Variants in TRAK1 observed in about 807,000 individuals in gnomAD.
TRAK1 encodes trafficking kinesin protein 1, also known as trafficking kinesin-binding protein 1.
Under a neutral mutation model 92.1 loss-of-function variants are expected in TRAK1, and 33 were observed. The observed-to-expected ratio is 0.36, with a 90% CI of 0.27 to 0.48. TRAK1 has a LOEUF of 0.48. Ranked by LOEUF, TRAK1 falls within the 20% of genes least tolerant of loss-of-function variation. TRAK1 has a pLI of 0.99. For synonymous variants in TRAK1, 521 were observed against 517.3 expected (o/e 1.01, Z -0.10); for missense variants, 1,123 against 1,257.9 (o/e 0.89, Z 1.62).
intron 2 of TRAK1, among the ~76,000 whole-genome samples, chr3:42,171,242 A>G (rs7633017): frequency 0.16 from 23,853 of 152,100 alleles, 2,124 homozygotes; most frequent in Non-Finnish European, 0.21. Flanking sequence ...TCATTTATTC[A>G]TGCCAGAGAT....
At chr3:42,048,391 T>C (rs927421931) in intron 1 of TRAK1, among the ~76,000 whole-genome samples, 2 of 152,182 alleles carry the variant, frequency 1.3e-5, no homozygotes, top group Non-Finnish European at 2.9e-5. Flanking sequence ...TAATTCCATG[T>C]ATGTGGTTTT....
At chr3:42,210,450 A>G (rs1708894269) in intron 14 of TRAK1, 11 of 1,266,994 alleles carry the variant, frequency 8.7e-6, no homozygotes, top group Non-Finnish European at 1.1e-5. Flanking sequence ...CCCTGAAAAC[A>G]TCAGTGCCCT....
chr3:42,221,908 C>T (rs1399838077), intron 15 of TRAK1: 1 of 152,016 alleles, frequency 6.6e-6, no homozygotes. Context: ...CCCAATACCC[C>T]GCCGTGACGA....
At chr3:42,124,246 G>A (rs189463646) in intron 1 of TRAK1, among the ~76,000 whole-genome samples, 1 of 152,188 alleles carries the variant, frequency 6.6e-6, no homozygotes, top group East Asian at 1.9e-4. Flanking sequence ...CTCCTCTCCT[G>A]TCTAGTTGTG....
chr3:42,166,528 G>A (rs1701892817), intron 2 of TRAK1, among the ~76,000 whole-genome samples: 1 of 152,160 alleles, frequency 6.6e-6, no homozygotes. Context: ...CTTTCTGTCT[G>A]GTTTGTTAAA....
chr3:42,030,980 G>A (rs567919272), intron 1 of TRAK1, among the ~76,000 whole-genome samples: 16 of 151,512 alleles, frequency 1.1e-4, no homozygotes, highest in African/African-American at 3.9e-4. Context: ...AAGAGAAAAC[G>A]GAACAATGTG....
At chr3:42,207,169 TAC>T (rs527286298) in intron 13 of TRAK1, among the ~76,000 whole-genome samples, 10 of 152,184 alleles carry the variant, frequency 6.6e-5, no homozygotes, top group Non-Finnish European at 1.2e-4. Context: ...GACTCCAGTG[TAC>T]AGTCCCAAAC....
At chr3:42,074,919 G>A (rs1387826188) in intron 1 of TRAK1, among the ~76,000 whole-genome samples, 1 of 152,084 alleles carries the variant, frequency 6.6e-6, no homozygotes, top group African/African-American at 2.4e-5. Context: ...TGTGTATTCA[G>A]TGTTTAACTT....
At chr3:42,142,434 G>A (rs186168423) in intron 2 of TRAK1, among the ~76,000 whole-genome samples, 2 of 152,262 alleles carry the variant, frequency 1.3e-5, no homozygotes, top group East Asian at 3.9e-4. Context: ...GCCCCAGTGT[G>A]GGCAGTCAGC....
intron 1 of TRAK1, among the ~76,000 whole-genome samples, chr3:42,110,428 G>C (rs1158779389): frequency 6.6e-6 from 1 of 151,854 alleles, no homozygotes; most frequent in Non-Finnish European, 1.5e-5. Context: ...CCTCTCTGGG[G>C]ATGGAGTCCT....
intron 1 of TRAK1, among the ~76,000 whole-genome samples, chr3:42,111,648 G>A (rs1175491517): frequency 6.6e-6 from 1 of 152,054 alleles, no homozygotes; most frequent in African/African-American, 2.4e-5. Context: ...TCCCACCTAG[G>A]CCTCCCAAAG....
chr3:42,107,595 A>G (rs1178655951), intron 1 of TRAK1, among the ~76,000 whole-genome samples: 1 of 152,120 alleles, frequency 6.6e-6, no homozygotes, highest in Non-Finnish European at 1.5e-5. Flanking sequence ...GTAAAACCCA[A>G]GAGGTTGGAG....
At chr3:42,111,939 GA>G (rs1239429676) in intron 1 of TRAK1, among the ~76,000 whole-genome samples, 7 of 145,544 alleles carry the variant, frequency 4.8e-5, no homozygotes, top group Non-Finnish European at 6.0e-5. Context: ...TTCAAATCTA[GA>G]AAAGAGTTTT....
intron 1 of TRAK1, among the ~76,000 whole-genome samples, chr3:42,122,479 G>C (rs1710018223): frequency 6.6e-6 from 1 of 152,066 alleles, no homozygotes; most frequent in Non-Finnish European, 1.5e-5. Context: ...GGATAGGCTG[G>C]CACTGCCTTC....
intron 1 of TRAK1, among the ~76,000 whole-genome samples, chr3:42,101,465 G>A (rs751380562): frequency 1.3e-5 from 2 of 152,210 alleles, no homozygotes; most frequent in African/African-American, 2.4e-5. Context: ...GGAAAGCCTC[G>A]TGGTGCCAGT....
chr3:42,082,835 G>T (rs1266750438), upstream of TRAK1, among the ~76,000 whole-genome samples: 1 of 152,182 alleles, frequency 6.6e-6, no homozygotes, highest in Admixed American at 6.5e-5. Context: ...ATTTGTTAAT[G>T]CATTTTAAAA....
intron 4 of TRAK1, among the ~76,000 whole-genome samples, chr3:42,186,269 C>T (rs1704835886): frequency 6.6e-6 from 1 of 152,022 alleles, no homozygotes; most frequent in African/African-American, 2.4e-5. Context: ...GGTGTGAGCC[C>T]CTGCGCCTGG....
At chr3:42,098,387 T>G (rs567160525) in intron 1 of TRAK1, among the ~76,000 whole-genome samples, 1 of 152,060 alleles carries the variant, frequency 6.6e-6, no homozygotes. Flanking sequence ...GGAAGGGAGG[T>G]TGGGCCTGTG....
rs375315730 is a variant in TRAK1, at chr3:42,110,094, GTATATATATATATATATATATATA to G, written c.92-15311_92-15288del. ...GTGCACATGTACCCTAGAACTTAAAGTATATATATATATATATATATATATATATATATATATAAACTTTGTGTG... is the reference window on the plus strand; with the variant it reads ...GTGCACATGTACCCTAGAACTTAAAGTATATATATATATAAACTTTGTGTG... On this transcript the variant is annotated intron_variant, in intron 1 of 15. Coordinates refer to ENST00000327628, the MANE Select transcript of TRAK1 (RefSeq NM_001042646.3). Among the ~76,000 whole-genome samples the G allele has an allele frequency of 5.0e-4, 42 of 83,232 alleles. 3 individuals are homozygous for G. The highest frequency in any genetic ancestry group is 0.013 in the Middle Eastern group (2 of 152). The allele number at this position is 83,232 out of a possible 152,430, so 54.6% of individuals were successfully genotyped here.
Sources: allele counts gnomAD v4.1 joint callset (sites outside exome capture counted in the v4.1 genomes callset), GRCh38; gene constraint gnomAD v4.1.1; transcripts MANE v1.5; gene names NCBI Gene and HGNC (gene_info 2026-07-23, HGNC 2026-07-21).